The following CCDC178 variants were observed in gnomAD, a reference collection of about 807,000 sequenced individuals.
CCDC178 encodes the protein coiled-coil domain containing 178.
A neutral mutation model predicts 117.4 loss-of-function variants in CCDC178; 126 were observed. The ratio of observed to expected loss-of-function variants is 1.07; its 90% CI spans 0.93 to 1.24. The LOEUF is 1.24. CCDC178 is among the 50% of genes most tolerant of loss of function. The pLI is 0.00. For synonymous variants in CCDC178, 283 were observed against 313.4 expected (o/e 0.90, Z 1.02); for missense variants, 1,030 against 986.9 (o/e 1.04, Z -0.59).
chr18:33,329,007 A>G (rs2062627369), intron 10 of CCDC178, among the ~76,000 whole-genome samples: 1 of 152,128 alleles, frequency 6.6e-6, no homozygotes, highest in Admixed American at 6.5e-5. Flanking sequence ...TGCTATATAA[A>G]TCTTTCATCT....
chr18:33,223,849 C>G (rs527990679), intron 17 of CCDC178, among the ~76,000 whole-genome samples: 1 of 152,174 alleles, frequency 6.6e-6, no homozygotes, highest in African/African-American at 2.4e-5. Context: ...GTTATACATT[C>G]TTTGCAGGAG....
At chr18:33,168,876 T>G (rs1054896059) in intron 20 of CCDC178, among the ~76,000 whole-genome samples, 1 of 152,244 alleles carries the variant, frequency 6.6e-6, no homozygotes, top group African/African-American at 2.4e-5. Context: ...TTAAAAAGTT[T>G]TGCTTACAAT....
At chr18:33,219,095 T>C (rs1466591514) in intron 18 of CCDC178, among the ~76,000 whole-genome samples, 1 of 152,192 alleles carries the variant, frequency 6.6e-6, no homozygotes, top group Admixed American at 6.6e-5. Flanking sequence ...CATGGAATGT[T>C]CTTCCATTTA....
intron 4 of CCDC178, among the ~76,000 whole-genome samples, chr18:33,391,293 T>C (rs912585923): frequency 6.6e-6 from 1 of 151,438 alleles, no homozygotes; most frequent in African/African-American, 2.4e-5. Context: ...ATGCGTGCAA[T>C]AAAACAGCAT....
At chr18:33,373,663 C>A (rs1599237422) in intron 5 of CCDC178, among the ~76,000 whole-genome samples, 1 of 152,302 alleles carries the variant, frequency 6.6e-6, no homozygotes, top group East Asian at 1.9e-4. Flanking sequence ...GATCACATTG[C>A]ACTCTGCTGT....
chr18:33,126,997 A>AATATATAT lies in CCDC178; in HGVS notation c.2239-34095_2239-34088dup, dbSNP rs1555647860. On this transcript the variant is annotated intron_variant, in intron 20 of 22. Transcript: ENST00000383096. Reference sequence around the variant, plus strand: ...TATCTGCATTTGGTTAAAAAAAAAAAATATATATATATATATATACACACA... The same window carrying AATATATAT: ...TATCTGCATTTGGTTAAAAAAAAAAAATATATATATATATATATATATATATACACACA... Among the ~76,000 whole-genome samples, 266 of 141,160 alleles carry AATATATAT rather than the reference A, an allele frequency of 1.9e-3. 1 individual carries two copies. Among genetic ancestry groups the AATATATAT allele is most frequent in the African/African-American group, 6.3e-3 (233 of 36,860 alleles). 92.6% of individuals were successfully genotyped at this position (141,160 alleles called of 152,430 possible).
At chr18:32,996,983 A>C (rs1424925684) in intron 21 of CCDC178, among the ~76,000 whole-genome samples, 1 of 152,190 alleles carries the variant, frequency 6.6e-6, no homozygotes, top group Non-Finnish European at 1.5e-5. Context: ...ATTAATAACA[A>C]AGAAAAATAA....
chr18:33,073,551 C>CTATCTATATATA (rs761380398), intron 21 of CCDC178, among the ~76,000 whole-genome samples: 2 of 106,966 alleles, frequency 1.9e-5, no homozygotes, highest in East Asian at 2.5e-4. Flanking sequence ...ATCTATCTAT[C>CTATCTATATATA]TATATATATA....
intron 21 of CCDC178, among the ~76,000 whole-genome samples, chr18:33,000,368 A>G (rs1002968338): frequency 4.6e-5 from 7 of 152,164 alleles, no homozygotes; most frequent in Non-Finnish European, 1.0e-4. Flanking sequence ...AAAAGACAAA[A>G]TAAGTATTGG....
At chr18:33,000,666 G>A (rs745981108) in intron 21 of CCDC178, among the ~76,000 whole-genome samples, 1 of 152,152 alleles carries the variant, frequency 6.6e-6, no homozygotes, top group Non-Finnish European at 1.5e-5. Flanking sequence ...CAAGCCAGGT[G>A]ACATATTTAA....
chr18:33,160,205 C>T (rs891069284), intron 20 of CCDC178, among the ~76,000 whole-genome samples: 3 of 152,066 alleles, frequency 2.0e-5, no homozygotes, highest in African/African-American at 7.2e-5. Context: ...CTAATTCTGG[C>T]ATATAACTTA....
rs2063539980 is a variant in CCDC178, at chr18:33,389,590, G to T, written c.158C>A (p.Ser53Tyr). 6.5e-7 allele frequency: 1 copy of T among 1,528,076 alleles called. No individual in the cohort carries two copies. Among genetic ancestry groups the T allele is most frequent in the Non-Finnish European group, 8.8e-7 (1 of 1,139,880 alleles). The allele number at this position is 1,528,076 out of a possible 1,614,324, so 94.7% of individuals were successfully genotyped here. Residue 53 changes from serine (S) to tyrosine (Y), a missense_variant, in exon 5 of 23, where the codon TCT (serine) becomes TAT (tyrosine). Physicochemically the swap from Ser to Tyr is moderately radical, Grantham distance 144. Transcript: ENST00000383096. ...MSQSLVLYGA[S>Y]KENSEGFHES... ...ATGAAAACCTTCACTGTTCTCCTTA[G>T]AGGCTCCATATAGAACCAAACTTTG...
intron 9 of CCDC178, among the ~76,000 whole-genome samples, chr18:33,338,611 T>C (rs183460194): frequency 3.4e-4 from 51 of 152,238 alleles, no homozygotes; most frequent in Admixed American, 2.5e-3. Context: ...CTGAGTGGAA[T>C]TGCTGACTAT....
intron 22 of CCDC178, among the ~76,000 whole-genome samples, chr18:32,971,240 T>C (rs2144686183): frequency 6.6e-6 from 1 of 152,138 alleles, no homozygotes; most frequent in African/African-American, 2.4e-5. Flanking sequence ...GTTCTCATTG[T>C]TCAACTCCCA....
intron 20 of CCDC178, among the ~76,000 whole-genome samples, chr18:33,110,769 C>T (rs555361312): frequency 6.6e-6 from 1 of 151,638 alleles, no homozygotes; most frequent in African/African-American, 2.4e-5. Flanking sequence ...GTCTGTTGTT[C>T]TCTTATCTGT....
At chr18:33,094,305 A>T (rs561313019) in intron 20 of CCDC178, among the ~76,000 whole-genome samples, 1 of 152,118 alleles carries the variant, frequency 6.6e-6, no homozygotes, top group Admixed American at 6.5e-5. Context: ...ATTTTTTGTT[A>T]CGAGGACAAA....
chr18:33,405,533 A>G (rs1353704613), intron 3 of CCDC178, among the ~76,000 whole-genome samples: 1 of 151,946 alleles, frequency 6.6e-6, no homozygotes, highest in Non-Finnish European at 1.5e-5. Flanking sequence ...ACAATTAGAT[A>G]ATACATTTAA....
chr18:32,976,721 C>T (rs2055035745), intron 21 of CCDC178, among the ~76,000 whole-genome samples: 1 of 151,798 alleles, frequency 6.6e-6, no homozygotes, highest in African/African-American at 2.4e-5. Flanking sequence ...TTGCAGTTTA[C>T]AGATTTTTTT....
chr18:33,112,458 G>T (rs764380028), intron 20 of CCDC178, among the ~76,000 whole-genome samples: 1 of 151,890 alleles, frequency 6.6e-6, no homozygotes, highest in African/African-American at 2.4e-5. Flanking sequence ...ATATTTAAAA[G>T]ATTTCGTCTA....
Sources: gnomAD v4.1 joint callset for allele counts (sites outside exome capture counted in the v4.1 genomes callset) on GRCh38, gnomAD v4.1.1 for gene constraint, MANE v1.5 for transcripts, NCBI Gene and HGNC (gene_info 2026-07-23, HGNC 2026-07-21) for gene names.